IGF2BP3: variants seen among roughly 807,000 people sequenced by gnomAD.
IGF2BP3 encodes insulin like growth factor 2 mRNA binding protein 3.
IGF2BP3 carries 9 observed loss-of-function variants against 73.8 expected under a neutral mutation model. The ratio of observed to expected loss-of-function variants is 0.12; its 90% CI spans 0.07 to 0.21. IGF2BP3 has a LOEUF of 0.21. Among genes scored for constraint, IGF2BP3 ranks in the 10% least tolerant of loss-of-function variants. The pLI is 1.00. For synonymous variants in IGF2BP3, 258 were observed against 256.7 expected, an observed-to-expected ratio of 1.01 and a Z score of -0.05; for missense variants, 542 against 714.0, an observed-to-expected ratio of 0.76 and a Z score of 2.75.
At chr7:23,461,914 G>A (rs755656891) in intron 2 of IGF2BP3, among the ~76,000 whole-genome samples, 14 of 152,170 alleles carry the variant, frequency 9.2e-5, no homozygotes, top group Non-Finnish European at 2.1e-4. Flanking sequence ...TCAATAGAAT[G>A]TGACAGAAGT....
At chr7:23,399,396 A>T (rs1786588057) in intron 3 of IGF2BP3, among the ~76,000 whole-genome samples, 1 of 141,040 alleles carries the variant, frequency 7.1e-6, no homozygotes, top group Non-Finnish European at 1.6e-5. Flanking sequence ...TAATAATAAT[A>T]AAATTAAATT....
At chr7:23,317,811 G>T in intron 11 of IGF2BP3, 98 bp from the exon 12 acceptor site, 1 of 981,942 alleles carries the variant, frequency 1.0e-6, no homozygotes, top group Non-Finnish European at 1.6e-6. Context: ...TGGCTGAAAT[G>T]CAGAATTAAA....
At chr7:23,418,688 A>G in intron 3 of IGF2BP3, 88 bp downstream of exon 3, 1 of 844,316 alleles carries the variant, frequency 1.2e-6, no homozygotes, top group Non-Finnish European at 1.9e-6. Context: ...CACACCCAAG[A>G]GTTGAGGAAA....
intron 3 of IGF2BP3, among the ~76,000 whole-genome samples, chr7:23,398,390 T>C (rs1376460036): frequency 3.3e-5 from 5 of 152,244 alleles, no homozygotes; most frequent in African/African-American, 1.2e-4. Context: ...CATGTGTCTT[T>C]ATAGCAGCAT....
chr7:23,440,711 A>G (rs1205337442), intron 2 of IGF2BP3, among the ~76,000 whole-genome samples: 1 of 152,076 alleles, frequency 6.6e-6, no homozygotes, highest in African/African-American at 2.4e-5. Flanking sequence ...ACCCCTAACC[A>G]CCAGCCACCT....
At chr7:23,323,582 T>C (rs1784216192) in intron 10 of IGF2BP3, among the ~76,000 whole-genome samples, 1 of 149,452 alleles carries the variant, frequency 6.7e-6, no homozygotes, top group Non-Finnish European at 1.5e-5. Context: ...AATAGACATC[T>C]ACAGAACTCT....
intron 10 of IGF2BP3, among the ~76,000 whole-genome samples, chr7:23,323,839 T>G (rs368711141): frequency 0.039 from 5,907 of 151,266 alleles, 180 homozygotes; most frequent in South Asian, 0.1. Context: ...ATAACGAAAT[T>G]AAGGCAGAAA....
chr7:23,460,197 C>A (rs57244839), intron 2 of IGF2BP3, among the ~76,000 whole-genome samples: 37,577 of 110,344 alleles, frequency 0.34, 6,275 homozygotes, highest in Middle Eastern at 0.42. Context: ...AAAAAAAAAA[C>A]AAAAACGAAA....
intron 6 of IGF2BP3, among the ~76,000 whole-genome samples, chr7:23,348,762 G>C (rs188774695): frequency 1.3e-5 from 2 of 152,238 alleles, no homozygotes; most frequent in Admixed American, 1.3e-4. Flanking sequence ...GGGGGTTGGG[G>C]CAGAGAGATG....
chr7:23,395,742 A>G (rs1438761904), intron 3 of IGF2BP3, among the ~76,000 whole-genome samples: 1 of 152,040 alleles, frequency 6.6e-6, no homozygotes, highest in Non-Finnish European at 1.5e-5. Flanking sequence ...CCTGGCCAAC[A>G]TGGTAAAACC....
At chr7:23,448,952 C>G (rs1788129918) in intron 2 of IGF2BP3, among the ~76,000 whole-genome samples, 1 of 152,096 alleles carries the variant, frequency 6.6e-6, no homozygotes, top group African/African-American at 2.4e-5. Context: ...TCTTGAACTC[C>G]TGGGCTCAAG....
chr7:23,329,248 A>G (rs930745752), intron 10 of IGF2BP3, among the ~76,000 whole-genome samples: 3 of 152,110 alleles, frequency 2.0e-5, no homozygotes, highest in African/African-American at 7.2e-5. Context: ...AATGGATACA[A>G]TAAATAACAT....
At chr7:23,458,250 C>A (rs536044949) in intron 2 of IGF2BP3, among the ~76,000 whole-genome samples, 1 of 152,060 alleles carries the variant, frequency 6.6e-6, no homozygotes, top group Non-Finnish European at 1.5e-5. Flanking sequence ...CAGATCTAGA[C>A]CTCATATCCC....
In IGF2BP3 at chr7:23,322,693, G is replaced by A. The variant is rs1425614774; in HGVS notation, c.1204-3439C>T. Among the ~76,000 whole-genome samples the A allele has an allele frequency of 9.9e-5, 15 of 152,268 alleles. No homozygotes were observed. The East Asian group carries it at 2.9e-3, about 29-fold the overall frequency. ...AGAGAAAGGTCGGGTTACCCACAAA[G>A]GGAAGCCCATCAGACTAACAGCAGA... On this transcript the variant is annotated intron_variant, in intron 10 of 14. Coordinates refer to ENST00000258729, the MANE Select transcript of IGF2BP3 (RefSeq NM_006547.3).
In IGF2BP3 at chr7:23,452,154, G is replaced by A. The variant is rs368960524; in HGVS notation, c.236+16328C>T. 7.8e-3 allele frequency among the ~76,000 whole-genome samples: 1,186 copies of A among 151,846 alleles called. 9 individuals are homozygous for A. The highest frequency in any genetic ancestry group is 0.025 in the African/African-American group (1,038 of 41,472). On this transcript the variant is annotated intron_variant, in intron 2 of 14. Transcript: ENST00000258729. ...TGAGTAGCTGGGACTACAGGCGCCCGCCACCACGCCCAGCTAATTTTTTGT... is the reference window on the plus strand; with the variant it reads ...TGAGTAGCTGGGACTACAGGCGCCCACCACCACGCCCAGCTAATTTTTTGT...
chr7:23,464,683 TA>T (rs955710213), intron 2 of IGF2BP3, among the ~76,000 whole-genome samples: 3 of 145,300 alleles, frequency 2.1e-5, no homozygotes, highest in South Asian at 4.3e-4. Flanking sequence ...GACTCCATCT[TA>T]AAAAAAAATA....
chr7:23,461,132 G>A (rs1053551793), intron 2 of IGF2BP3, among the ~76,000 whole-genome samples: 32 of 152,008 alleles, frequency 2.1e-4, no homozygotes, highest in African/African-American at 7.7e-4. Flanking sequence ...CATCACTCTC[G>A]GTGGTATTCT....
chr7:23,415,970 A>G lies in IGF2BP3; in HGVS notation c.285+2806T>C, dbSNP rs146288314. On this transcript the variant is annotated intron_variant, in intron 3 of 14. Coordinates refer to ENST00000258729, the MANE Select transcript of IGF2BP3 (RefSeq NM_006547.3). The stretch of plus-strand genomic sequence containing the variant: ...GTGAATTTGTTGTTCTTATTATATC[A>G]TAGCTAAAACATATTGTGTACTTAT... Among the ~76,000 whole-genome samples, 365 of 152,310 alleles carry G rather than the reference A, an allele frequency of 2.4e-3. 2 individuals carry two copies. Among genetic ancestry groups the G allele is most frequent in the African/African-American group, 8.0e-3 (333 of 41,562 alleles).
intron 3 of IGF2BP3, among the ~76,000 whole-genome samples, chr7:23,386,536 G>C (rs1786087149): frequency 1.3e-5 from 2 of 152,210 alleles, no homozygotes; most frequent in Admixed American, 6.5e-5. Flanking sequence ...AATAGTTAAA[G>C]TAGTATTAGA....
Sources: allele counts gnomAD v4.1 joint callset (sites outside exome capture counted in the v4.1 genomes callset), GRCh38; gene constraint gnomAD v4.1.1; transcripts MANE v1.5; gene names NCBI Gene and HGNC (gene_info 2026-07-23, HGNC 2026-07-21).